RTN1: variants seen among roughly 807,000 people sequenced by gnomAD.
RTN1 encodes the protein reticulon-1.
RTN1 carries 25 observed loss-of-function variants against 65.5 expected under a neutral mutation model. The observed-to-expected ratio is 0.38, with a 90% CI of 0.28 to 0.53. The LOEUF (loss-of-function observed/expected upper bound fraction) is 0.53. Ranked by LOEUF, RTN1 falls within the 20% of genes least tolerant of loss-of-function variation. The probability of loss-of-function intolerance (pLI) is 0.79; values close to 1 mark genes in which losing one functional copy is unlikely to be tolerated. For missense variants in RTN1, 983 were observed against 1,025.4 expected (o/e 0.96, Z 0.57); for synonymous variants, 471 against 447.6 (o/e 1.05, Z -0.66).
chr14:59,596,796 A>G lies in RTN1; in HGVS notation c.2289-9T>C. 1 of 1,608,352 alleles carries G rather than the reference A, an allele frequency of 6.2e-7. No individual in the cohort carries two copies. The highest frequency in any genetic ancestry group is 1.3e-5 in the African/African-American group (1 of 74,932). ...GGATTTTAGCCTGAATCCTAAAAAG[A>G]CAGTATCAAAAGGTAGTAAATCACA... is the stretch of plus-strand genomic sequence containing the variant. On this transcript the variant is annotated splice_polypyrimidine_tract_variant and intron_variant, in intron 8 of 8. Transcript: ENST00000267484.
intron 1 of RTN1, among the ~76,000 whole-genome samples, chr14:59,750,955 T>C (rs1252050698): frequency 6.7e-6 from 1 of 149,014 alleles, no homozygotes; most frequent in Non-Finnish European, 1.5e-5. Flanking sequence ...TGGGCTCAAA[T>C]GATCCTTCTG....
At chr14:59,621,892 G>C (rs187687340) in intron 3 of RTN1, among the ~76,000 whole-genome samples, 1 of 152,100 alleles carries the variant, frequency 6.6e-6, no homozygotes, top group Non-Finnish European at 1.5e-5. Context: ...TGACATAAGC[G>C]GATACTATAA....
chr14:59,846,140 G>C lies in RTN1; in HGVS notation c.241+24250C>G, dbSNP rs1465075034. On this transcript the variant is annotated intron_variant, in intron 1 of 8. Transcript: ENST00000267484. This position sits in a 1 kb window ranked among gnomAD's most constrained non-coding sequence, Gnocchi z 4.8. The stretch of plus-strand genomic sequence containing the variant: ...TCAACCAGGTAGGAATTGAAGACAA[G>C]GTCAACAATGTTACAGAATGAGGAT... 6.6e-6 allele frequency among the ~76,000 whole-genome samples: 1 copy of C among 152,110 alleles called. No individual in the cohort carries two copies. The highest frequency in any genetic ancestry group is 1.5e-5 in the Non-Finnish European group (1 of 68,022).
intron 1 of RTN1, among the ~76,000 whole-genome samples, chr14:59,850,210 G>A (rs1887480343): frequency 6.6e-6 from 1 of 152,034 alleles, no homozygotes; most frequent in Admixed American, 6.6e-5. Flanking sequence ...CTTATAATGG[G>A]GTTACATCCT....
At chr14:59,683,526 C>A (rs937309264) in intron 3 of RTN1, among the ~76,000 whole-genome samples, 1 of 151,848 alleles carries the variant, frequency 6.6e-6, no homozygotes, top group Non-Finnish European at 1.5e-5. Context: ...TGCCTAAGAT[C>A]CATTCACTGT....
Position 59,869,905 on chromosome 14 carries a change from C to T in RTN1, c.241+485G>A, listed in dbSNP as rs1482331134. ...GGCAAGGGTAAGGGGCAGTTACAGCCACATCTCTGCCCTGGACAGAGCCGG... is the reference window on the plus strand; with the variant it reads ...GGCAAGGGTAAGGGGCAGTTACAGCTACATCTCTGCCCTGGACAGAGCCGG... On this transcript the variant is annotated intron_variant, in intron 1 of 8. Transcript: ENST00000267484. Among the ~76,000 whole-genome samples the T allele has an allele frequency of 3.9e-5, 6 of 152,048 alleles. No individual in the cohort carries two copies. In the South Asian group the frequency reaches 8.3e-4, roughly 21 times the overall value.
intron 3 of RTN1, among the ~76,000 whole-genome samples, chr14:59,638,489 G>C (rs1289270332): frequency 3.9e-5 from 6 of 152,178 alleles, no homozygotes. Flanking sequence ...AGAATGTTCT[G>C]AATAGTAAAT....
chr14:59,634,611 C>T (rs769832906), intron 3 of RTN1, among the ~76,000 whole-genome samples: 1 of 152,066 alleles, frequency 6.6e-6, no homozygotes, highest in African/African-American at 2.4e-5. Flanking sequence ...TTTATAGAGC[C>T]CATACTAAGG....
chr14:59,697,108 A>C (rs1884079800), intron 3 of RTN1, among the ~76,000 whole-genome samples: 1 of 152,082 alleles, frequency 6.6e-6, no homozygotes, highest in African/African-American at 2.4e-5. Flanking sequence ...TCATTTTCCT[A>C]TGAATAAATG....
intron 1 of RTN1, among the ~76,000 whole-genome samples, chr14:59,765,482 C>G (rs540760359): frequency 6.6e-6 from 1 of 152,292 alleles, no homozygotes; most frequent in South Asian, 2.1e-4. Flanking sequence ...TCTATATATT[C>G]CATCTAAACT....
intron 3 of RTN1, among the ~76,000 whole-genome samples, chr14:59,640,258 C>T (rs190915758): frequency 1.6e-4 from 24 of 152,072 alleles, no homozygotes; most frequent in African/African-American, 5.8e-4. Flanking sequence ...TAAATTTCTG[C>T]TTATGTCAAT....
chr14:59,777,050 A>C (rs1329121285), intron 1 of RTN1, among the ~76,000 whole-genome samples: 1 of 152,180 alleles, frequency 6.6e-6, no homozygotes, highest in Non-Finnish European at 1.5e-5. Context: ...CATGTCCCTC[A>C]CCTAGGAAGA....
chr14:59,813,377 A>T (rs1886764037), intron 1 of RTN1, among the ~76,000 whole-genome samples: 2 of 152,214 alleles, frequency 1.3e-5, no homozygotes, highest in Non-Finnish European at 2.9e-5. Context: ...GTTTGTGGGG[A>T]AAGTCATCAA....
intron 1 of RTN1, among the ~76,000 whole-genome samples, chr14:59,847,880 G>A (rs571524717): frequency 1.3e-5 from 2 of 152,266 alleles, no homozygotes; most frequent in East Asian, 3.9e-4. Context: ...GGCACAGATT[G>A]CCCAGCCCAG....
At chr14:59,764,951 C>T (rs750793405) in intron 1 of RTN1, among the ~76,000 whole-genome samples, 20 of 152,046 alleles carry the variant, frequency 1.3e-4, no homozygotes, top group Non-Finnish European at 2.9e-4. Context: ...AATTCTTTTG[C>T]TATTCTAAAC....
intron 1 of RTN1, among the ~76,000 whole-genome samples, chr14:59,833,395 A>G (rs543997696): frequency 1.4e-4 from 22 of 152,330 alleles, no homozygotes; most frequent in Non-Finnish European, 2.9e-4. Flanking sequence ...AACAAAAAAT[A>G]AATTTTGACT....
chr14:59,660,268 T>C (rs538166881), intron 3 of RTN1, among the ~76,000 whole-genome samples: 2 of 152,262 alleles, frequency 1.3e-5, no homozygotes, highest in Non-Finnish European at 2.9e-5. Context: ...CAAAGAGACT[T>C]AGACTCCCAC....
chr14:59,647,387 T>A (rs1469429677), intron 3 of RTN1, among the ~76,000 whole-genome samples: 1 of 152,124 alleles, frequency 6.6e-6, no homozygotes, highest in Non-Finnish European at 1.5e-5. Context: ...ACTAGACAGA[T>A]GATCAAGGCA....
At chr14:59,604,011 G>C (rs111747152) in intron 5 of RTN1, 90 bp from the exon 6 acceptor site, 13 of 935,624 alleles carry the variant, frequency 1.4e-5, no homozygotes, top group African/African-American at 8.2e-5. Context: ...ATTTGAATTT[G>C]AGTCAGAATA....
Sources: gnomAD v4.1 joint callset for allele counts (sites outside exome capture counted in the v4.1 genomes callset) on GRCh38, gnomAD v4.1.1 for gene constraint, Gnocchi (gnomAD v3.1) non-coding constraint, MANE v1.5 for transcripts, NCBI Gene and HGNC (gene_info 2026-07-23, HGNC 2026-07-21) for gene names.